DCC: variants seen among roughly 807,000 people sequenced by gnomAD.
DCC encodes DCC netrin 1 receptor.
Under a neutral mutation model 172.5 loss-of-function variants are expected in DCC, and 58 were observed. The observed-to-expected ratio is 0.34, with a 90% CI of 0.27 to 0.42. DCC has a LOEUF of 0.42. Ranked by LOEUF, DCC falls within the 10% of genes least tolerant of loss-of-function variation. The pLI, the probability that DCC is intolerant of heterozygous loss-of-function variation, is 1.00. For missense variants in DCC, 1,740 were observed against 1,791.0 expected (o/e 0.97, Z 0.51); for synonymous variants, 709 against 644.5 (o/e 1.10, Z -1.52).
chr18:53,106,193 G>A (rs1411288118), intron 7 of DCC, among the ~76,000 whole-genome samples: 1 of 151,858 alleles, frequency 6.6e-6, no homozygotes, highest in African/African-American at 2.4e-5. Flanking sequence ...AGACTCAAAG[G>A]AGGCGTCTTA....
intron 12 of DCC, among the ~76,000 whole-genome samples, chr18:53,248,917 A>T (rs1002182722): frequency 6.6e-6 from 1 of 152,032 alleles, no homozygotes; most frequent in African/African-American, 2.4e-5. Context: ...TTTAGGGGGA[A>T]TTTTTGTTTG....
intron 1 of DCC, among the ~76,000 whole-genome samples, chr18:52,484,017 G>A (rs1221968): frequency 0.97 from 148,199 of 152,192 alleles, 72,279 homozygotes; most frequent in Middle Eastern, 1. Context: ...TTCCATTTTT[G>A]TAGCATTATG....
chr18:52,810,691 G>A (rs1254728176), intron 2 of DCC, among the ~76,000 whole-genome samples: 1 of 152,178 alleles, frequency 6.6e-6, no homozygotes, highest in Non-Finnish European at 1.5e-5. Context: ...TCAAAGGTGG[G>A]CATGACAGTG....
At chr18:53,004,177 A>C (rs1274085573) in intron 5 of DCC, among the ~76,000 whole-genome samples, 1 of 152,146 alleles carries the variant, frequency 6.6e-6, no homozygotes, top group Non-Finnish European at 1.5e-5. Context: ...TGGTTTAGGG[A>C]GTCTGTGAAA....
At chr18:53,324,669 T>C (rs1568057087) in intron 14 of DCC, among the ~76,000 whole-genome samples, 1 of 152,104 alleles carries the variant, frequency 6.6e-6, no homozygotes, top group Non-Finnish European at 1.5e-5. Flanking sequence ...TTGAGATATA[T>C]ATGGCAAGAA....
rs527558786 is a variant in DCC at position 52,985,052 on chromosome 18, A to G, written c.985+59682A>G. On this transcript the variant is annotated intron_variant, in intron 5 of 28. Coordinates refer to ENST00000442544, the MANE Select transcript of DCC (RefSeq NM_005215.4). Reference sequence around the variant, plus strand: ...TAAAGTGAAAATACATTTTTCTTAAATATCATTTTTTCCCTTGGAGCTCTC... The same window carrying G: ...TAAAGTGAAAATACATTTTTCTTAAGTATCATTTTTTCCCTTGGAGCTCTC... Among the ~76,000 whole-genome samples the G allele has an allele frequency of 6.6e-4, 101 of 152,182 alleles. 4 individuals are homozygous for G. The South Asian group carries it at 0.02, about 31-fold the overall frequency.
rs141971460 is a variant in DCC at position 53,112,171 on chromosome 18, G to A, written c.1262-45185G>A. Among the ~76,000 whole-genome samples, 213 of 151,346 alleles carry A rather than the reference G, an allele frequency of 1.4e-3. 1 individual carries two copies. The highest frequency in any genetic ancestry group is 5.1e-3 in the African/African-American group (211 of 41,406). On this transcript the variant is annotated intron_variant, in intron 7 of 28. Coordinates refer to ENST00000442544, the MANE Select transcript of DCC (RefSeq NM_005215.4). ...ATTTAGGAGATGTTATACCAAAAAT[G>A]AATTTAATGCATTTTAGGACATAAA... is the stretch of plus-strand genomic sequence containing the variant.
At chr18:53,099,008 C>CAATAAT (rs200996143) in intron 7 of DCC, among the ~76,000 whole-genome samples, 1 of 151,748 alleles carries the variant, frequency 6.6e-6, no homozygotes, top group African/African-American at 2.4e-5. Flanking sequence ...GACCTCTTCT[C>CAATAAT]AATAATAATA....
intron 1 of DCC, among the ~76,000 whole-genome samples, chr18:52,507,971 G>A (rs755179529): frequency 3.2e-4 from 48 of 151,974 alleles, no homozygotes; most frequent in Non-Finnish European, 6.0e-4. Flanking sequence ...CATGGTGGCA[G>A]GCACCTGTAG....
At chr18:53,406,512 C>G (rs1459679718) in intron 19 of DCC, among the ~76,000 whole-genome samples, 8 of 151,756 alleles carry the variant, frequency 5.3e-5, no homozygotes. Flanking sequence ...CAAAACCAGC[C>G]TGGCCAACAA....
intron 27 of DCC, among the ~76,000 whole-genome samples, chr18:53,509,771 A>C (rs1227639305): frequency 6.6e-6 from 1 of 152,202 alleles, no homozygotes; most frequent in Non-Finnish European, 1.5e-5. Context: ...CCCTCAATGT[A>C]GCTCACCTGT....
intron 2 of DCC, among the ~76,000 whole-genome samples, chr18:52,786,792 CA>C (rs1267806090): frequency 6.6e-6 from 1 of 151,496 alleles, no homozygotes; most frequent in Non-Finnish European, 1.5e-5. Flanking sequence ...ACTGTGTAGA[CA>C]AGGTATGAGG....
intron 2 of DCC, among the ~76,000 whole-genome samples, chr18:52,847,569 A>G (rs369946380): frequency 2.0e-5 from 3 of 152,350 alleles, no homozygotes; most frequent in East Asian, 1.9e-4. Context: ...CGACGGTTCT[A>G]TGAGTATATA....
intron 1 of DCC, among the ~76,000 whole-genome samples, chr18:52,520,419 C>T (rs2031775502): frequency 1.3e-5 from 2 of 152,200 alleles, no homozygotes; most frequent in African/African-American, 4.8e-5. Flanking sequence ...ACAGAGGCTT[C>T]TCAGGTAATA....
At chr18:52,584,428 G>A (rs1006903432) in intron 1 of DCC, among the ~76,000 whole-genome samples, 1 of 152,240 alleles carries the variant, frequency 6.6e-6, no homozygotes, top group African/African-American at 2.4e-5. Context: ...GAGAGAGATG[G>A]AGAGACAGAG....
At position 52,771,882 on chromosome 18, in the gene DCC, A is replaced by AAAAAAG. The variant is rs1555659205; in HGVS notation, c.412+19512_412+19513insAGAAAA. Among the ~76,000 whole-genome samples, 105 of 150,374 alleles carry AAAAAAG rather than the reference A, an allele frequency of 7.0e-4. 1 individual carries two copies. Among genetic ancestry groups the AAAAAAG allele is most frequent in the African/African-American group, 2.4e-3 (96 of 40,580 alleles). Reference sequence around the variant, plus strand: ...CTGTAGAAACTTGTGAAAAAAAAAAAAAAAGAAAAAGAAAGAACAAGGCCC... The same window carrying AAAAAAG: ...CTGTAGAAACTTGTGAAAAAAAAAAAAAAAAGAAAAGAAAAAGAAAGAACAAGGCCC... On this transcript the variant is annotated intron_variant, in intron 2 of 28. Coordinates refer to ENST00000442544, the MANE Select transcript of DCC (RefSeq NM_005215.4).
At chr18:52,629,260 C>G (rs557480114) in intron 1 of DCC, among the ~76,000 whole-genome samples, 1 of 152,252 alleles carries the variant, frequency 6.6e-6, no homozygotes, top group African/African-American at 2.4e-5. Flanking sequence ...ATATCTGTTG[C>G]ATAATTCTTT....
At chr18:52,483,491 A>T (rs910365541) in intron 1 of DCC, among the ~76,000 whole-genome samples, 5 of 152,100 alleles carry the variant, frequency 3.3e-5, no homozygotes, top group African/African-American at 1.2e-4. Context: ...TATTTTACTT[A>T]TAAATATTAT....
chr18:52,892,274 G>C (rs947014348), intron 2 of DCC: 2 of 152,090 alleles, frequency 1.3e-5, no homozygotes, highest in Non-Finnish European at 2.9e-5. Context: ...CCTGACACTT[G>C]AGGTTTAAAG....
Sources: gnomAD v4.1 joint callset for allele counts (sites outside exome capture counted in the v4.1 genomes callset) on GRCh38, gnomAD v4.1.1 for gene constraint, MANE v1.5 for transcripts, NCBI Gene and HGNC (gene_info 2026-07-23, HGNC 2026-07-21) for gene names.